Variants in LEKR1 observed in about 807,000 individuals in gnomAD.
LEKR1 encodes protein LEKR1.
A neutral mutation model predicts 72.4 loss-of-function variants in LEKR1; 59 were observed. That is an observed-to-expected ratio of 0.82 (90% CI 0.66 to 1.01). LEKR1 has a LOEUF of 1.01. Ranked by LOEUF, LEKR1 falls within the 50% of genes least tolerant of loss-of-function variation. LEKR1 has a pLI of 0.00. For missense variants in LEKR1, 728 were observed against 759.2 expected, an observed-to-expected ratio of 0.96 and a Z score of 0.48; for synonymous variants, 257 against 263.2, an observed-to-expected ratio of 0.98 and a Z score of 0.23.
rs1734074266 is a variant in LEKR1, at chr3:157,024,804, ATTT to A, written c.1249_1251del (p.Phe417del). On this transcript the variant is annotated inframe_deletion, in exon 11 of 13. Transcript: ENST00000356539. ...AGGAAAGGGCCCAACACTTGGTTGA[ATTT>A]GAAGAGCAAGCTCTTCTCTTTAAGG... is the stretch of plus-strand genomic sequence containing the variant. 1 of 1,611,662 alleles carries A rather than the reference ATTT, an allele frequency of 6.2e-7. No individual in the cohort carries two copies. Among genetic ancestry groups the A allele is most frequent in the African/African-American group, 1.3e-5 (1 of 74,722 alleles).
chr3:156,933,592 A>C (rs1725442995), intron 5 of LEKR1, among the ~76,000 whole-genome samples: 1 of 152,196 alleles, frequency 6.6e-6, no homozygotes, highest in Admixed American at 6.5e-5. Flanking sequence ...ATCTTATAGA[A>C]TATTTACCTC....
At chr3:157,024,426 CA>C (rs1489745608) in intron 10 of LEKR1, among the ~76,000 whole-genome samples, 2 of 152,098 alleles carry the variant, frequency 1.3e-5, no homozygotes, top group Admixed American at 6.6e-5. Context: ...TGCTTAAAAA[CA>C]AAAACTTCAA....
intron 11 of LEKR1, among the ~76,000 whole-genome samples, chr3:157,027,316 T>A (rs1032041): frequency 3.9e-5 from 6 of 151,900 alleles, no homozygotes; most frequent in Middle Eastern, 3.4e-3. Context: ...TGGGCAGTAC[T>A]GTTCTGGAAG....
intron 2 of LEKR1, among the ~76,000 whole-genome samples, chr3:156,830,198 G>C (rs1404896683): frequency 3.3e-5 from 5 of 152,146 alleles, no homozygotes; most frequent in African/African-American, 1.2e-4. Context: ...AGTGAGCTCA[G>C]GCATTGTGAT....
intron 3 of LEKR1, among the ~76,000 whole-genome samples, chr3:156,892,985 A>G (rs926254250): frequency 6.6e-6 from 1 of 152,192 alleles, no homozygotes; most frequent in South Asian, 2.1e-4. Context: ...ATGTTTCTCA[A>G]TAGAGCCCTT....
chr3:157,042,126 G>A (rs1462575157), intron 12 of LEKR1, among the ~76,000 whole-genome samples: 1 of 152,108 alleles, frequency 6.6e-6, no homozygotes, highest in Non-Finnish European at 1.5e-5. Flanking sequence ...AGGAGGTAAT[G>A]GTGGCAGATG....
intron 1 of LEKR1, among the ~76,000 whole-genome samples, chr3:156,827,533 G>A (rs1711783672): frequency 6.6e-6 from 1 of 152,216 alleles, no homozygotes; most frequent in Admixed American, 6.5e-5. Context: ...TTGAGAATGT[G>A]TAATGGATTG....
At chr3:156,962,186 T>C (rs1021711191) in intron 6 of LEKR1, among the ~76,000 whole-genome samples, 2 of 152,330 alleles carry the variant, frequency 1.3e-5, no homozygotes, top group South Asian at 2.1e-4. Context: ...GGACCTTACC[T>C]GCAAGGTCTG....
chr3:156,920,188 A>G (rs1724059782), intron 3 of LEKR1, among the ~76,000 whole-genome samples: 1 of 152,192 alleles, frequency 6.6e-6, no homozygotes, highest in East Asian at 1.9e-4. Context: ...TTTTACAGCA[A>G]CACAAAATGG....
intron 9 of LEKR1, among the ~76,000 whole-genome samples, chr3:157,009,675 T>C (rs1164728844): frequency 6.6e-6 from 1 of 152,094 alleles, no homozygotes; most frequent in Non-Finnish European, 1.5e-5. Flanking sequence ...TCTGGAGTTG[T>C]GCAGTTTATA....
intron 3 of LEKR1, among the ~76,000 whole-genome samples, chr3:156,901,553 A>C (rs1454633259): frequency 2.6e-5 from 4 of 152,150 alleles, no homozygotes; most frequent in African/African-American, 9.7e-5. Context: ...TCTCTAATGC[A>C]ATTACAATTT....
In LEKR1 at chr3:156,867,750, T is replaced by C. The variant is rs75747107; in HGVS notation, c.263+14768T>C. On this transcript the variant is annotated intron_variant, in intron 3 of 12. Coordinates refer to ENST00000356539, the MANE Select transcript of LEKR1 (RefSeq NM_001004316.3). ...GTCTCAGCTTTTAAATATGTCACTA[T>C]CTTTCAGAATAGAAACTATATCTTT... 2.5e-4 allele frequency among the ~76,000 whole-genome samples: 38 copies of C among 152,190 alleles called. No individual in the cohort carries two copies. The East Asian group carries it at 6.6e-3, about 26-fold the overall frequency.
At chr3:157,000,523 G>A (rs867276491) in intron 9 of LEKR1, among the ~76,000 whole-genome samples, 1 of 152,040 alleles carries the variant, frequency 6.6e-6, no homozygotes. Context: ...TGTAACGTGG[G>A]CATTTTAATA....
At chr3:156,900,341 T>G (rs1399788878) in intron 3 of LEKR1, among the ~76,000 whole-genome samples, 2 of 152,214 alleles carry the variant, frequency 1.3e-5, no homozygotes, top group Admixed American at 1.3e-4. Flanking sequence ...TTGTGACTTC[T>G]GAATTAGGCA....
chr3:156,903,667 G>T (rs773241955), intron 3 of LEKR1, among the ~76,000 whole-genome samples: 1 of 152,166 alleles, frequency 6.6e-6, no homozygotes, highest in Non-Finnish European at 1.5e-5. Context: ...TTTTCCTTTT[G>T]TATTTCATCT....
chr3:156,918,322 G>A (rs914273801), intron 3 of LEKR1, among the ~76,000 whole-genome samples: 16 of 152,046 alleles, frequency 1.1e-4, no homozygotes, highest in African/African-American at 3.6e-4. Flanking sequence ...TTTAAAGGAC[G>A]ACACCTTCCA....
chr3:156,907,967 T>C (rs1336761437), intron 3 of LEKR1, among the ~76,000 whole-genome samples: 1 of 152,110 alleles, frequency 6.6e-6, no homozygotes, highest in African/African-American at 2.4e-5. Context: ...GTCTCGAGGC[T>C]TTTAAATACT....
intron 3 of LEKR1, among the ~76,000 whole-genome samples, chr3:156,900,555 A>G (rs1454554265): frequency 1.3e-5 from 2 of 152,208 alleles, no homozygotes; most frequent in South Asian, 4.1e-4. Context: ...TGATCTAAAA[A>G]AAAATCACTT....
chr3:156,978,632 T>G (rs988442023), intron 6 of LEKR1, among the ~76,000 whole-genome samples: 1 of 152,172 alleles, frequency 6.6e-6, no homozygotes, highest in African/African-American at 2.4e-5. Context: ...ACTGCTTACA[T>G]TCTCCAGTTA....
Sources: gnomAD v4.1 joint callset for allele counts (sites outside exome capture counted in the v4.1 genomes callset) on GRCh38, gnomAD v4.1.1 for gene constraint, MANE v1.5 for transcripts, NCBI Gene and HGNC (gene_info 2026-07-23, HGNC 2026-07-21) for gene names.